Variants in SCFD2 observed in about 807,000 individuals in gnomAD.
SCFD2 encodes the protein sec1 family domain-containing protein 2.
In SCFD2, 54 loss-of-function variants were observed where a neutral mutation model predicts 58.9. The ratio of observed to expected loss-of-function variants is 0.92; its 90% CI spans 0.74 to 1.15. The LOEUF (loss-of-function observed/expected upper bound fraction) is 1.15. SCFD2 is among the 50% of genes most tolerant of loss of function. The pLI, the probability that SCFD2 is intolerant of heterozygous loss-of-function variation, is 0.00. For synonymous variants in SCFD2, 321 were observed against 335.9 expected, an observed-to-expected ratio of 0.96 and a Z score of 0.49; for missense variants, 805 against 836.6, an observed-to-expected ratio of 0.96 and a Z score of 0.47.
chr4:52,994,780 A>G (rs1025874708), intron 5 of SCFD2, among the ~76,000 whole-genome samples: 1 of 152,180 alleles, frequency 6.6e-6, no homozygotes. Context: ...TCCCTCATTA[A>G]CAACAGGAAA....
rs147498120 is a variant in SCFD2, at chr4:53,149,443, G to A, written c.1312-3861C>T. On this transcript the variant is annotated intron_variant, in intron 4 of 8. Coordinates refer to ENST00000401642, the MANE Select transcript of SCFD2 (RefSeq NM_152540.4). ...AACCCAAAGTATACAATAAATATAT[G>A]TCAGTCCATATTGATATAAATGAGT... Among the ~76,000 whole-genome samples the A allele has an allele frequency of 2.1e-3, 327 of 152,242 alleles. 1 individual carries two copies. The highest frequency in any genetic ancestry group is 7.7e-3 in the African/African-American group (318 of 41,550).
At chr4:52,877,541 A>G (rs2109438872) in intron 8 of SCFD2, among the ~76,000 whole-genome samples, 1 of 152,346 alleles carries the variant, frequency 6.6e-6, no homozygotes, top group East Asian at 1.9e-4. Context: ...CTTCATCTGT[A>G]AAGTGGGAAT....
chr4:53,247,533 T>C (rs560175711), intron 4 of SCFD2, among the ~76,000 whole-genome samples: 42 of 152,238 alleles, frequency 2.8e-4, no homozygotes, highest in African/African-American at 9.4e-4. Flanking sequence ...ATGTGATACA[T>C]ATACACCATG....
intron 4 of SCFD2, among the ~76,000 whole-genome samples, chr4:53,183,719 C>G (rs946796786): frequency 6.6e-6 from 1 of 151,304 alleles, no homozygotes; most frequent in South Asian, 2.1e-4. Context: ...AAGAACATGC[C>G]TAAACTTTGG....
At chr4:53,236,882 C>A (rs1729638014) in intron 4 of SCFD2, among the ~76,000 whole-genome samples, 1 of 150,376 alleles carries the variant, frequency 6.6e-6, no homozygotes. Flanking sequence ...GGGTGTTTCT[C>A]ACAGAGGGGG....
chr4:52,911,511 T>G (rs1304277941), intron 6 of SCFD2, among the ~76,000 whole-genome samples: 1 of 152,200 alleles, frequency 6.6e-6, no homozygotes, highest in Non-Finnish European at 1.5e-5. Flanking sequence ...TCTTTTTTGT[T>G]TTTTATTTTT....
At chr4:52,901,416 G>A (rs1719196179) in intron 7 of SCFD2, among the ~76,000 whole-genome samples, 1 of 152,158 alleles carries the variant, frequency 6.6e-6, no homozygotes, top group African/African-American at 2.4e-5. Flanking sequence ...GGCACTTAAG[G>A]CTAGGCCATA....
chr4:53,342,982 A>C (rs1733931965), intron 2 of SCFD2, among the ~76,000 whole-genome samples: 1 of 152,200 alleles, frequency 6.6e-6, no homozygotes, highest in African/African-American at 2.4e-5. Flanking sequence ...AATTTATAGC[A>C]CTAAATGCCC....
At chr4:53,304,544 T>C (rs1339235930) in intron 3 of SCFD2, among the ~76,000 whole-genome samples, 1 of 151,906 alleles carries the variant, frequency 6.6e-6, no homozygotes, top group Non-Finnish European at 1.5e-5. Context: ...TTTTCTCTAA[T>C]CTTGTCTTCT....
chr4:52,885,620 CA>C, intron 8 of SCFD2, 126 bp downstream of exon 8: 1 of 1,150,418 alleles, frequency 8.7e-7, no homozygotes. Context: ...AGGGAGGGAA[CA>C]AAGCCAAGAG....
chr4:52,948,553 G>C, intron 5 of SCFD2: 1 of 456,226 alleles, frequency 2.2e-6, no homozygotes, highest in African/African-American at 2.0e-5. Context: ...CTAAACAAAT[G>C]TAAGTCAGTG....
chr4:53,215,395 A>G (rs528618042), intron 4 of SCFD2, among the ~76,000 whole-genome samples: 1 of 151,944 alleles, frequency 6.6e-6, no homozygotes, highest in African/African-American at 2.4e-5. Context: ...ATTCCTAGGT[A>G]TTTTATTCTC....
chr4:53,039,048 T>C (rs1404068245), intron 5 of SCFD2, among the ~76,000 whole-genome samples: 1 of 152,148 alleles, frequency 6.6e-6, no homozygotes, highest in African/African-American at 2.4e-5. Context: ...TTCTGAGCTT[T>C]CCATCTACCA....
intron 3 of SCFD2, among the ~76,000 whole-genome samples, chr4:53,281,346 T>TC (rs1234146767): frequency 6.6e-6 from 1 of 152,208 alleles, no homozygotes; most frequent in Non-Finnish European, 1.5e-5. Flanking sequence ...GAGCCCTGAC[T>TC]CCTAGTATGT....
intron 5 of SCFD2, among the ~76,000 whole-genome samples, chr4:52,993,875 G>C (rs1031826362): frequency 6.6e-6 from 1 of 152,268 alleles, no homozygotes; most frequent in Non-Finnish European, 1.5e-5. Context: ...AGAGGGAAGT[G>C]TGGGAGATAT....
chr4:52,932,291 T>G (rs59033992), intron 5 of SCFD2, among the ~76,000 whole-genome samples: 2,777 of 152,314 alleles, frequency 0.018, 101 homozygotes, highest in African/African-American at 0.064. Context: ...ATTCAGAGTT[T>G]AACTTGTCTG....
At chr4:53,286,921 T>G (rs1731685684) in intron 3 of SCFD2, among the ~76,000 whole-genome samples, 1 of 152,132 alleles carries the variant, frequency 6.6e-6, no homozygotes, top group African/African-American at 2.4e-5. Flanking sequence ...GAGTCACCAC[T>G]ATGTGGCATC....
Position 53,196,649 on chromosome 4 carries a change from GA to G in SCFD2, c.1312-51068del, listed in dbSNP as rs10711942. Among the ~76,000 whole-genome samples, 1,054 of 152,132 alleles carry G rather than the reference GA, an allele frequency of 6.9e-3. 16 individuals are homozygous for G. Among genetic ancestry groups the G allele is most frequent in the African/African-American group, 0.024 (983 of 41,498 alleles). ...TGCTGACTTTAACAATGATTCATAT[GA>G]TAAGTGGCTTTTGATTTGTTTTTTA... On this transcript the variant is annotated intron_variant, in intron 4 of 8. Coordinates refer to ENST00000401642, the MANE Select transcript of SCFD2 (RefSeq NM_152540.4).
At chr4:53,258,819 G>A (rs537341270) in intron 4 of SCFD2, among the ~76,000 whole-genome samples, 1 of 151,888 alleles carries the variant, frequency 6.6e-6, no homozygotes, top group South Asian at 2.1e-4. Flanking sequence ...TTTTATAGTG[G>A]TTGTACTAAT....
Sources: allele counts gnomAD v4.1 joint callset (sites outside exome capture counted in the v4.1 genomes callset), GRCh38; gene constraint gnomAD v4.1.1; transcripts MANE v1.5; gene names NCBI Gene and HGNC (gene_info 2026-07-23, HGNC 2026-07-21).